Variants in NUP133 observed in about 807,000 individuals in gnomAD.
The protein encoded by NUP133 is nuclear pore complex protein Nup133.
NUP133 carries 66 observed loss-of-function variants against 146.2 expected under a neutral mutation model. The ratio of observed to expected loss-of-function variants is 0.45; its 90% CI spans 0.37 to 0.55. The LOEUF (loss-of-function observed/expected upper bound fraction) is 0.55, where lower values mean the gene tolerates loss of function less well. Ranked by LOEUF, NUP133 falls within the 20% of genes least tolerant of loss-of-function variation. The probability of loss-of-function intolerance (pLI) is 0.00; values close to 1 mark genes in which losing one functional copy is unlikely to be tolerated. For missense variants in NUP133, 1,277 were observed against 1,374.8 expected (o/e 0.93, Z 1.12); for synonymous variants, 521 against 498.8 (o/e 1.04, Z -0.59).
Position 229,465,422 on chromosome 1 carries a change from G to T in NUP133, c.2297C>A (p.Thr766Lys). The change falls in exon 17 of 26, where the codon ACG becomes AAG. Residue 766 changes from threonine to lysine, a missense_variant and splice_region_variant. Transcript: ENST00000261396. ...LEKEPEYVPW[T>K]ATSGPGGIRT... ...CTGTTAATAAATCAGTATATTACCC[G>T]TCCATGGAACATATTCAGGTTCTTT... 1 of 1,594,348 alleles carries T rather than the reference G, an allele frequency of 6.3e-7. No individual in the cohort carries two copies. Among genetic ancestry groups the T allele is most frequent in the Non-Finnish European group, 8.6e-7 (1 of 1,162,400 alleles).
In NUP133 at chr1:229,495,872, T is replaced by A; in HGVS notation, c.975+20A>T. 2 of 1,550,356 alleles carry A rather than the reference T, an allele frequency of 1.3e-6. No homozygotes were observed. Among genetic ancestry groups the A allele is most frequent in the Non-Finnish European group, 1.7e-6 (2 of 1,148,596 alleles). ...CAACCATAAACATGAATTACAGAGA[T>A]GAATATTATTGTTTCTTACCCAAAT... On this transcript the variant is annotated intron_variant, in intron 7 of 25. Coordinates refer to ENST00000261396, the MANE Select transcript of NUP133 (RefSeq NM_018230.3).
chr1:229,468,817 C>T (rs1326761520), intron 15 of NUP133, among the ~76,000 whole-genome samples: 1 of 152,198 alleles, frequency 6.6e-6, no homozygotes, highest in Non-Finnish European at 1.5e-5. Flanking sequence ...TTTGTTAGAT[C>T]ATGAAACTTG....
intron 21 of NUP133, among the ~76,000 whole-genome samples, chr1:229,455,033 G>T (rs552740890): frequency 3.9e-4 from 60 of 152,234 alleles, no homozygotes; most frequent in African/African-American, 1.3e-3. Flanking sequence ...TGAGGCGAAG[G>T]AGCATAAATT....
intron 21 of NUP133, among the ~76,000 whole-genome samples, chr1:229,457,385 C>T (rs989259733): frequency 6.6e-6 from 1 of 152,100 alleles, no homozygotes; most frequent in African/African-American, 2.4e-5. Flanking sequence ...TAGCATCATG[C>T]CTCAGTATCT....
At chr1:229,506,834 A>C (rs931029166) in intron 1 of NUP133, among the ~76,000 whole-genome samples, 1 of 151,468 alleles carries the variant, frequency 6.6e-6, no homozygotes, top group Admixed American at 6.6e-5. Flanking sequence ...AAAAAAAAAA[A>C]AAAAAACTAT....
intron 14 of NUP133, among the ~76,000 whole-genome samples, chr1:229,471,840 T>C (rs919418933): frequency 1.3e-5 from 2 of 152,338 alleles, no homozygotes; most frequent in East Asian, 3.9e-4. Flanking sequence ...ACTGTATATA[T>C]TGTTCTGTAC....
At chr1:229,501,930 G>C (rs1445829826) in intron 3 of NUP133, 69 bp downstream of exon 3, 4 of 1,132,912 alleles carry the variant, frequency 3.5e-6, no homozygotes, top group African/African-American at 3.1e-5. Context: ...AAAAAAATTA[G>C]GGTAAAAATG....
At chr1:229,472,545 G>A (rs1167964438) in intron 14 of NUP133, among the ~76,000 whole-genome samples, 1 of 151,324 alleles carries the variant, frequency 6.6e-6, no homozygotes, top group Non-Finnish European at 1.5e-5. Context: ...TAGCTGATTT[G>A]GTGGCACATG....
chr1:229,472,641 C>CCACTG (rs1660983747), intron 14 of NUP133, among the ~76,000 whole-genome samples: 1 of 150,106 alleles, frequency 6.7e-6, no homozygotes, highest in Admixed American at 6.7e-5. Flanking sequence ...TATGATCATG[C>CCACTG]CACTGCACTC....
chr1:229,503,775 T>C (rs184197539), intron 2 of NUP133, among the ~76,000 whole-genome samples: 17 of 152,270 alleles, frequency 1.1e-4, no homozygotes, highest in African/African-American at 3.6e-4. Context: ...GACTTAACAG[T>C]AGTTGGCAGG....
chr1:229,499,213 T>C (rs1370477736), intron 5 of NUP133: 1 of 470,920 alleles, frequency 2.1e-6, no homozygotes, highest in Admixed American at 2.3e-5. Flanking sequence ...TTTTGTTTCT[T>C]TGTGAACCTA....
chr1:229,499,646 A>C (rs762272120), intron 5 of NUP133, 38 bp downstream of exon 5: 1 of 1,567,248 alleles, frequency 6.4e-7, no homozygotes, highest in South Asian at 1.2e-5. Flanking sequence ...GCCAAATCAC[A>C]GCTTTCCAAT....
intron 18 of NUP133, among the ~76,000 whole-genome samples, chr1:229,464,349 C>T (rs576853761): frequency 1.1e-4 from 17 of 152,276 alleles, no homozygotes; most frequent in African/African-American, 3.6e-4. Context: ...CAGTTATTCA[C>T]GTAAAGGTCT....
At chr1:229,449,614 G>A (rs1214088818) in intron 23 of NUP133, among the ~76,000 whole-genome samples, 1 of 151,246 alleles carries the variant, frequency 6.6e-6, no homozygotes, top group African/African-American at 2.4e-5. Flanking sequence ...CAGGCAATCC[G>A]CCCACCTTGG....
chr1:229,493,993 T>C (rs1035341994), intron 8 of NUP133, among the ~76,000 whole-genome samples: 1 of 151,442 alleles, frequency 6.6e-6, no homozygotes, highest in Non-Finnish European at 1.5e-5. Context: ...TAGCCGGGAG[T>C]GGTGGCACCC....
chr1:229,472,259 C>A (rs961295033), intron 14 of NUP133, among the ~76,000 whole-genome samples: 2 of 146,428 alleles, frequency 1.4e-5, no homozygotes, highest in African/African-American at 2.6e-5. Context: ...GCGGAGCTTG[C>A]AGTGAGCAGA....
chr1:229,443,202 A>ATT (rs771465943), intron 25 of NUP133, among the ~76,000 whole-genome samples: 11 of 136,978 alleles, frequency 8.0e-5, no homozygotes, highest in Non-Finnish European at 8.0e-5. Flanking sequence ...AGCCTAGCTA[A>ATT]TTTTTTTTTT....
intron 6 of NUP133, among the ~76,000 whole-genome samples, chr1:229,497,351 A>T (rs1273245663): frequency 6.6e-6 from 1 of 152,264 alleles, no homozygotes; most frequent in Admixed American, 6.5e-5. Flanking sequence ...ACAGGTCAAA[A>T]GAGAAATGAG....
intron 2 of NUP133, among the ~76,000 whole-genome samples, chr1:229,504,297 T>C (rs1661880297): frequency 6.6e-6 from 1 of 152,232 alleles, no homozygotes. Flanking sequence ...TTTTAAATGC[T>C]GGTCAAGAAC....
Sources: allele counts gnomAD v4.1 joint callset (sites outside exome capture counted in the v4.1 genomes callset), GRCh38; gene constraint gnomAD v4.1.1; transcripts MANE v1.5; gene names NCBI Gene and HGNC (gene_info 2026-07-23, HGNC 2026-07-21).